Variants in ADAMTSL1 observed in about 807,000 individuals in gnomAD.
ADAMTSL1 encodes ADAMTS like 1.
ADAMTSL1 carries 126 observed loss-of-function variants against 201.8 expected under a neutral mutation model. The ratio of observed to expected loss-of-function variants is 0.62; its 90% CI spans 0.54 to 0.72. The LOEUF (loss-of-function observed/expected upper bound fraction) is 0.72. Among genes scored for constraint, ADAMTSL1 ranks in the 30% least tolerant of loss-of-function variants. ADAMTSL1 has a pLI of 0.00. For synonymous variants in ADAMTSL1, 1,121 were observed against 903.4 expected, an observed-to-expected ratio of 1.24 and a Z score of -4.32; for missense variants, 2,679 against 2,277.8, an observed-to-expected ratio of 1.18 and a Z score of -3.59.
rs1214825810 is a variant in ADAMTSL1 at position 18,681,928 on chromosome 9, C to G, written c.1458C>G (p.Cys486Trp). Residue 486 changes from cysteine (C) to tryptophan (W), a missense_variant, in exon 12 of 29, where the codon TGC (cysteine) becomes TGG (tryptophan). Transcript: ENST00000380548. ...PKTKPHIKEECIVPTPCYKPK... is the reference protein window; with the variant it reads ...PKTKPHIKEEWIVPTPCYKPK... ...CAAAGCCCCACATAAAAGAGGAATG[C>G]ATCGTACCCACTCCCTGCTATAAAC... 1 of 1,614,166 alleles carries G rather than the reference C, an allele frequency of 6.2e-7. No individual in the cohort carries two copies. Among genetic ancestry groups the G allele is most frequent in the South Asian group, 1.1e-5 (1 of 91,072 alleles).
chr9:18,759,580 T>C (rs1357236102), intron 16 of ADAMTSL1, among the ~76,000 whole-genome samples: 1 of 152,340 alleles, frequency 6.6e-6, no homozygotes, highest in East Asian at 1.9e-4. Context: ...TTTTCAATAG[T>C]GTATTTCATA....
intron 9 of ADAMTSL1, among the ~76,000 whole-genome samples, chr9:18,667,314 C>T (rs1264284721): frequency 6.7e-6 from 1 of 149,726 alleles, no homozygotes; most frequent in East Asian, 2.0e-4. Context: ...TCTAATGCAA[C>T]TATGAAGAAA....
intron 4 of ADAMTSL1, among the ~76,000 whole-genome samples, chr9:18,592,699 T>G (rs1267344332): frequency 6.6e-6 from 1 of 152,226 alleles, no homozygotes; most frequent in Non-Finnish European, 1.5e-5. Context: ...GCTTTGGCTA[T>G]TCTGGGTCTT....
At chr9:18,567,718 A>G (rs1414079119) in intron 3 of ADAMTSL1, among the ~76,000 whole-genome samples, 2 of 152,180 alleles carry the variant, frequency 1.3e-5, no homozygotes, top group African/African-American at 4.8e-5. Flanking sequence ...CCCTATAGAT[A>G]CTAACACAAA....
chr9:18,322,185 T>G (rs73430907), intron 2 of ADAMTSL1, among the ~76,000 whole-genome samples: 6,052 of 152,138 alleles, frequency 0.04, 406 homozygotes, highest in African/African-American at 0.14. Flanking sequence ...ATCAGCTGAG[T>G]TGCCCCTTTA....
intron 23 of ADAMTSL1, among the ~76,000 whole-genome samples, chr9:18,842,655 A>G (rs1003265119): frequency 2.0e-5 from 3 of 152,028 alleles, no homozygotes; most frequent in Admixed American, 6.5e-5. Flanking sequence ...GTCTCCCATT[A>G]TTGTGTGGGA....
chr9:18,183,489 A>G (rs1828591185), intron 2 of ADAMTSL1, among the ~76,000 whole-genome samples: 1 of 152,216 alleles, frequency 6.6e-6, no homozygotes, highest in South Asian at 2.1e-4. Context: ...AAAAAGCATT[A>G]TTATCTAAAA....
intron 2 of ADAMTSL1, among the ~76,000 whole-genome samples, chr9:18,408,523 T>C (rs374479849): frequency 5.3e-4 from 81 of 152,270 alleles, no homozygotes; most frequent in African/African-American, 1.9e-3. Context: ...TAGTATGTGC[T>C]GGTCACTATA....
chr9:18,029,040 A>C (rs1175024860), intron 1 of ADAMTSL1, among the ~76,000 whole-genome samples: 1 of 152,052 alleles, frequency 6.6e-6, no homozygotes, highest in East Asian at 1.9e-4. Flanking sequence ...ATGGGAGTTC[A>C]CTCATGATTT....
rs1827085324 is a variant in ADAMTSL1 at position 18,635,951 on chromosome 9, A to G, written c.610A>G (p.Thr204Ala). 1 of 1,601,550 alleles carries G rather than the reference A, an allele frequency of 6.2e-7. No individual in the cohort carries two copies. Among genetic ancestry groups the G allele is most frequent in the Non-Finnish European group, 8.5e-7 (1 of 1,177,126 alleles). ...GCTTTGTTTCTCTCTAGCGGATGAT[A>G]CTGTGGTTGCAATTCCCTATGGAAG... ...SQLSATKSDD[T>A]VVAIPYGSRH... Residue 204 changes from threonine (T) to alanine (A), a missense_variant, in exon 6 of 29, where the codon ACT (threonine) becomes GCT (alanine). Transcript: ENST00000380548.
chr9:18,337,924 G>A (rs559977911), intron 2 of ADAMTSL1, among the ~76,000 whole-genome samples: 1 of 152,242 alleles, frequency 6.6e-6, no homozygotes, highest in Admixed American at 6.5e-5. Flanking sequence ...GGCTCCACCT[G>A]GGCTAGGTTC....
intron 2 of ADAMTSL1, chr9:18,362,338 A>G (rs575720732): frequency 2.7e-4 from 41 of 152,386 alleles, no homozygotes; most frequent in African/African-American, 9.9e-4. Context: ...GAAATATCAC[A>G]TATGTCTAGT....
At chr9:18,304,298 T>A (rs531733611) in intron 2 of ADAMTSL1, among the ~76,000 whole-genome samples, 1 of 152,132 alleles carries the variant, frequency 6.6e-6, no homozygotes, top group South Asian at 2.1e-4. Context: ...CTCCTGCCCC[T>A]ACCCTCAACA....
intron 2 of ADAMTSL1, among the ~76,000 whole-genome samples, chr9:18,324,737 C>T (rs993181456): frequency 2.7e-5 from 4 of 150,728 alleles, no homozygotes; most frequent in African/African-American, 9.8e-5. Context: ...ACACTCCAGC[C>T]TGGGCAACAA....
chr9:17,954,661 A>C (rs1279235449), intron 1 of ADAMTSL1, among the ~76,000 whole-genome samples: 2 of 152,154 alleles, frequency 1.3e-5, no homozygotes, highest in Admixed American at 1.3e-4. Context: ...TGTGCCTATG[A>C]AATATTTGCT....
intron 1 of ADAMTSL1, among the ~76,000 whole-genome samples, chr9:18,107,894 C>A (rs1048778585): frequency 6.6e-6 from 1 of 152,146 alleles, no homozygotes; most frequent in Non-Finnish European, 1.5e-5. Flanking sequence ...TTCTTCAGAG[C>A]CACCGTGCTG....
At chr9:18,333,948 C>T (rs948017320) in intron 2 of ADAMTSL1, among the ~76,000 whole-genome samples, 5 of 151,908 alleles carry the variant, frequency 3.3e-5, no homozygotes, top group Non-Finnish European at 7.4e-5. Context: ...CATTAGAGGC[C>T]CCAATTCTAA....
chr9:18,401,826 T>C (rs1229975810), intron 2 of ADAMTSL1, among the ~76,000 whole-genome samples: 1 of 152,200 alleles, frequency 6.6e-6, no homozygotes, highest in Non-Finnish European at 1.5e-5. Context: ...GCTGTGCTTC[T>C]GATATGCTTC....
intron 2 of ADAMTSL1, among the ~76,000 whole-genome samples, chr9:18,341,240 T>C (rs1182809861): frequency 2.6e-5 from 4 of 152,164 alleles, no homozygotes; most frequent in Non-Finnish European, 5.9e-5. Flanking sequence ...TTATTCTCTA[T>C]ACTCCTCTTT....
Sources: allele counts gnomAD v4.1 joint callset (sites outside exome capture counted in the v4.1 genomes callset), GRCh38; gene constraint gnomAD v4.1.1; transcripts MANE v1.5; gene names NCBI Gene and HGNC (gene_info 2026-07-23, HGNC 2026-07-21).